The following EPB41 variants were observed in gnomAD, a reference collection of about 807,000 sequenced individuals.
The protein encoded by EPB41 is erythrocyte membrane protein band 4.1, also known as protein 4.1.
EPB41 carries 65 observed loss-of-function variants against 108.0 expected under a neutral mutation model. The ratio of observed to expected loss-of-function variants is 0.60; its 90% CI spans 0.49 to 0.74. EPB41 has a LOEUF of 0.74. Ranked by LOEUF, EPB41 falls within the 30% of genes least tolerant of loss-of-function variation. The probability of loss-of-function intolerance (pLI) is 0.00; values close to 1 mark genes in which losing one functional copy is unlikely to be tolerated. For missense variants in EPB41, 875 were observed against 1,037.0 expected (o/e 0.84, Z 2.15); for synonymous variants, 336 against 358.9 (o/e 0.94, Z 0.72).
At chr1:28,982,317 T>C in intron 1 of EPB41, 2 of 620,934 alleles carry the variant, frequency 3.2e-6, no homozygotes, top group South Asian at 1.5e-5. Context: ...TGTTCTTGCC[T>C]GTCTTTTATC....
chr1:28,937,398 A>G (rs1216351700), intron 1 of EPB41, among the ~76,000 whole-genome samples: 3 of 151,860 alleles, frequency 2.0e-5, no homozygotes, highest in African/African-American at 7.3e-5. Flanking sequence ...GTTTTTATTT[A>G]TTTATTTTTT....
Position 29,018,246 on chromosome 1 carries a change from C to T in EPB41, c.928C>T (p.Arg310Trp), listed in dbSNP as rs754298443. The stretch of plus-strand genomic sequence containing the variant: ...TAGATATTATTTATGTCTTCAGCTT[C>T]GGCAGGACATAGTTGCAGGACGTCT... ...ITRYYLCLQL[R>W]QDIVAGRLPC... Residue 310 changes from arginine (R) to tryptophan (W), a missense_variant, in exon 7 of 21, where the codon CGG (arginine) becomes TGG (tryptophan). By Grantham distance (101) the Arg-to-Trp change is moderately radical. This residue lies in a region of EPB41 where 353 missense variants were observed against 393.2 expected (regional missense o/e 0.90). Transcript: ENST00000343067. This position sits in a 1 kb window ranked among gnomAD's most constrained non-coding sequence, Gnocchi z 4.4. The T allele has an allele frequency of 3.1e-6, 5 of 1,613,974 alleles. No individual in the cohort carries two copies. Among genetic ancestry groups the T allele is most frequent in the Non-Finnish European group, 4.2e-6 (5 of 1,180,018 alleles).
intron 11 of EPB41, among the ~76,000 whole-genome samples, chr1:29,040,822 T>TA (rs1641209728): frequency 6.6e-6 from 1 of 151,892 alleles, no homozygotes; most frequent in Non-Finnish European, 1.5e-5. Flanking sequence ...CTTATGTCAC[T>TA]AAAAAAAGAG....
At chr1:29,010,272 G>A (rs2096478174) in intron 4 of EPB41, among the ~76,000 whole-genome samples, 1 of 152,152 alleles carries the variant, frequency 6.6e-6, no homozygotes, top group Non-Finnish European at 1.5e-5. Context: ...CCGGGAGGCG[G>A]AGGTTGCAGA....
At chr1:29,013,001 G>C (rs1309476573) in intron 5 of EPB41, among the ~76,000 whole-genome samples, 3 of 152,036 alleles carry the variant, frequency 2.0e-5, no homozygotes, top group African/African-American at 7.2e-5. Flanking sequence ...GATTCTTTAA[G>C]AGAAAAAGTT....
At chr1:29,089,794 G>T (rs977727486) in intron 16 of EPB41, among the ~76,000 whole-genome samples, 2 of 152,180 alleles carry the variant, frequency 1.3e-5, no homozygotes, top group African/African-American at 2.4e-5. Flanking sequence ...CTAAAACCCA[G>T]TGAAGGGTTT....
intron 9 of EPB41, 67 bp downstream of exon 9, chr1:29,033,312 A>T: frequency 1.3e-6 from 2 of 1,569,558 alleles, no homozygotes; most frequent in Non-Finnish European, 8.7e-7. Flanking sequence ...CTACATTTCC[A>T]TTTTCCTTAT....
Position 28,987,605 on chromosome 1 carries a change from T to C in EPB41, c.168T>C (p.Ser56=), listed in dbSNP as rs1392567493. ...DNWCEQKLKA[S]NGDTPTHEDL... is the part of the protein sequence containing the mutation. ...GGTGTGAACAGAAGCTGAAAGCTTC[T>C]AATGGAGACACTCCTACACATGAAG... Residue 56 remains serine, a synonymous_variant, in exon 2 of 21, where the codon TCT becomes TCC. Coordinates refer to ENST00000343067, the MANE Select transcript of EPB41 (RefSeq NM_001376013.1). 4 of 1,614,058 alleles carry C rather than the reference T, an allele frequency of 2.5e-6. No homozygotes were observed. Among genetic ancestry groups the C allele is most frequent in the African/African-American group, 1.3e-5 (1 of 74,912 alleles).
chr1:29,115,930 G>A lies in EPB41; in HGVS notation c.*6+127G>A, dbSNP rs950237349. On this transcript the variant is annotated intron_variant, in intron 20 of 20. Coordinates refer to ENST00000343067, the MANE Select transcript of EPB41 (RefSeq NM_001376013.1). The surrounding 1 kb of genome is among the most constrained non-coding windows in gnomAD (Gnocchi z 4.4). ...GGTGTTCACCCTGGGACTTGATAAA[G>A]GCAGACGAGAGGCTGATGTGGGAGA... The A allele has an allele frequency of 4.1e-6, 3 of 732,192 alleles. No individual in the cohort carries two copies. Among genetic ancestry groups the A allele is most frequent in the Admixed American group, 4.4e-5 (2 of 45,730 alleles). The allele number at this position is 732,192 out of a possible 1,614,324, so 45.4% of individuals were successfully genotyped here. A position where few individuals can be genotyped will look rare whatever the true frequency, so the allele number is the denominator to read the frequency against.
intron 11 of EPB41, chr1:29,041,480 A>C (rs1267146542): frequency 1.3e-5 from 2 of 152,076 alleles, no homozygotes; most frequent in Non-Finnish European, 2.9e-5. Flanking sequence ...ACTCTGTCTC[A>C]AAATAAAATA....
At chr1:28,967,166 C>T (rs1353088697) in intron 1 of EPB41, among the ~76,000 whole-genome samples, 4 of 151,796 alleles carry the variant, frequency 2.6e-5, no homozygotes, top group East Asian at 1.9e-4. Flanking sequence ...CTACAGGTGC[C>T]CGCCACCACA....
intron 16 of EPB41, among the ~76,000 whole-genome samples, chr1:29,081,836 A>AG (rs1434630779): frequency 5.2e-5 from 1 of 19,094 alleles, no homozygotes; most frequent in Non-Finnish European, 3.6e-4. Flanking sequence ...ACTCTGTCTC[A>AG]AAAAAAAAAA....
intron 1 of EPB41, among the ~76,000 whole-genome samples, chr1:28,923,262 A>C (rs574948768): frequency 6.6e-6 from 1 of 150,808 alleles, no homozygotes; most frequent in East Asian, 2.0e-4. Context: ...CACCTGGCTA[A>C]TTTTTGTATT....
At position 28,935,472 on chromosome 1, in the gene EPB41, C is replaced by T. The variant is rs866108692; in HGVS notation, c.-8+20704C>T. ...ACACACACACACACACACACACCCC[C>T]CCCCCCCCAAGATCTACGCACTAAC... On this transcript the variant is annotated intron_variant, in intron 1 of 20. Transcript: ENST00000343067. 5.8e-5 allele frequency among the ~76,000 whole-genome samples: 5 copies of T among 86,622 alleles called. 2 individuals are homozygous for T. The highest frequency in any genetic ancestry group is 8.7e-5 in the African/African-American group (2 of 23,050). The allele number at this position is 86,622 out of a possible 152,430, so 56.8% of individuals were successfully genotyped here. A position where few individuals can be genotyped will look rare whatever the true frequency, so the allele number is the denominator to read the frequency against.
At chr1:29,057,244 C>T (rs1324456094) in intron 12 of EPB41, among the ~76,000 whole-genome samples, 2 of 151,584 alleles carry the variant, frequency 1.3e-5, no homozygotes, top group African/African-American at 2.4e-5. Context: ...GGCATGGTGG[C>T]GGGTGCCTGT....
intron 12 of EPB41, chr1:29,054,287 G>C (rs1458501044): frequency 6.6e-6 from 1 of 152,136 alleles, no homozygotes; most frequent in African/African-American, 2.4e-5. Context: ...TGGAATCGAA[G>C]TGCTAGCTCA....
At position 29,058,249 on chromosome 1, in the gene EPB41, T is replaced by C. The variant is rs574898543; in HGVS notation, c.1846-340T>C. 8.5e-5 allele frequency among the ~76,000 whole-genome samples: 13 copies of C among 152,364 alleles called. No homozygotes were observed. The East Asian group carries it at 1.3e-3, about 16-fold the overall frequency. The stretch of plus-strand genomic sequence containing the variant: ...AAAGGCAAAACAAAAACATGGGCTA[T>C]TGCATTAAATAAGCCTAAATTATTC... On this transcript the variant is annotated intron_variant, in intron 12 of 20. Transcript: ENST00000343067.
rs138035535 is a variant in EPB41 at position 28,983,654 on chromosome 1, G to A, written c.-7-3777G>A. ...AACTGGAGTGCACAAGCGCTGGAAC[G>A]AGCTGACTGCCTTGGTGCTTGCAGT... On this transcript the variant is annotated intron_variant, in intron 1 of 20. Coordinates refer to ENST00000343067, the MANE Select transcript of EPB41 (RefSeq NM_001376013.1). 2.7e-3 allele frequency among the ~76,000 whole-genome samples: 413 copies of A among 152,306 alleles called. 6 individuals carry two copies. Among genetic ancestry groups the A allele is most frequent in the African/African-American group, 9.5e-3 (393 of 41,566 alleles).
At chr1:28,891,489 G>A (rs750543506) in intron 1 of EPB41, among the ~76,000 whole-genome samples, 19 of 152,176 alleles carry the variant, frequency 1.2e-4, no homozygotes, top group Non-Finnish European at 2.6e-4. Context: ...AGAATCCTGG[G>A]TTGGCCACTT....
Sources: gnomAD v4.1 joint callset for allele counts (sites outside exome capture counted in the v4.1 genomes callset) on GRCh38, gnomAD v4.1.1 for gene constraint, gnomAD v4.1.1 regional missense constraint, Gnocchi (gnomAD v3.1) non-coding constraint, MANE v1.5 for transcripts, NCBI Gene and HGNC (gene_info 2026-07-23, HGNC 2026-07-21) for gene names.